Variants in DAB1 observed in about 807,000 individuals in gnomAD.
DAB1 encodes the protein DAB adaptor protein 1.
In DAB1, 15 loss-of-function variants were observed where a neutral mutation model predicts 64.6. The observed-to-expected ratio is 0.23, with a 90% CI of 0.16 to 0.36. The LOEUF is 0.36. DAB1 is among the 10% of genes least tolerant of loss of function. The pLI, the probability that DAB1 is intolerant of heterozygous loss-of-function variation, is 1.00. For synonymous variants in DAB1, 235 were observed against 251.9 expected, an observed-to-expected ratio of 0.93 and a Z score of 0.64; for missense variants, 596 against 706.7, an observed-to-expected ratio of 0.84 and a Z score of 1.78.
intron 3 of DAB1, among the ~76,000 whole-genome samples, chr1:58,453,811 A>C (rs1645164039): frequency 6.6e-6 from 1 of 152,052 alleles, no homozygotes. Flanking sequence ...AGGACTTCAC[A>C]AAGATCTCAC....
chr1:57,824,326 G>T (rs1652251302), downstream of DAB1, among the ~76,000 whole-genome samples: 1 of 152,186 alleles, frequency 6.6e-6, no homozygotes, highest in Non-Finnish European at 1.5e-5. Context: ...TGGTCACACT[G>T]TAGGGTAACA....
intron 3 of DAB1, among the ~76,000 whole-genome samples, chr1:58,345,489 C>T (rs1643986139): frequency 6.6e-6 from 1 of 152,196 alleles, no homozygotes; most frequent in Non-Finnish European, 1.5e-5. Flanking sequence ...GGGATGCCTC[C>T]ATTCCCTGGT....
intron 3 of DAB1, among the ~76,000 whole-genome samples, chr1:58,375,241 G>A (rs1307179758): frequency 4.8e-5 from 7 of 146,220 alleles, no homozygotes; most frequent in Non-Finnish European, 3.0e-5. Context: ...GTGAGAGAGG[G>A]CATCCCTGTC....
intron 9 of DAB1, among the ~76,000 whole-genome samples, chr1:57,045,575 G>A (rs138152392): frequency 7.9e-5 from 12 of 152,284 alleles, no homozygotes; most frequent in African/African-American, 2.6e-4. Context: ...GCACATGTCT[G>A]TAATCCCAGC....
At chr1:57,852,829 C>A (rs892925507) in intron 1 of DAB1, among the ~76,000 whole-genome samples, 4 of 152,054 alleles carry the variant, frequency 2.6e-5, no homozygotes, top group African/African-American at 9.7e-5. Flanking sequence ...CTCCCTCCTG[C>A]AGAATGGAAA....
rs1277572448 is a variant in DAB1 at position 58,300,634 on chromosome 1, G to C, written n.309+42718C>G. On this transcript the variant is annotated intron_variant and non_coding_transcript_variant, in intron 4 of 20. Transcript: ENST00000485760. ...AAAGAGAGAGAGAGAGAGAGAGAGA[G>C]AGAGAGAGAGAGAGGAAGGAAGGAA... 2.4e-3 allele frequency among the ~76,000 whole-genome samples: 154 copies of C among 64,408 alleles called. 3 individuals carry two copies. The highest frequency in any genetic ancestry group is 7.4e-3 in the African/African-American group (142 of 19,228). 42.3% of individuals were successfully genotyped at this position (64,408 alleles called of 152,430 possible). A position where few individuals can be genotyped will look rare whatever the true frequency, so the allele number is the denominator to read the frequency against.
intron 4 of DAB1, among the ~76,000 whole-genome samples, chr1:58,319,453 A>G (rs1662634276): frequency 1.3e-5 from 2 of 152,214 alleles, no homozygotes; most frequent in African/African-American, 4.8e-5. Context: ...AATAGACAGA[A>G]AAGTGACAGG....
intron 1 of DAB1, among the ~76,000 whole-genome samples, chr1:57,380,121 C>T (rs924283007): frequency 2.0e-4 from 30 of 152,072 alleles, no homozygotes; most frequent in African/African-American, 5.6e-4. Context: ...TGGTGTCAGG[C>T]GCATTCATTA....
At chr1:57,462,539 T>C (rs1686819110) in intron 7 of DAB1, among the ~76,000 whole-genome samples, 1 of 152,198 alleles carries the variant, frequency 6.6e-6, no homozygotes, top group African/African-American at 2.4e-5. Flanking sequence ...CTTCAAACAT[T>C]GACCTAAGAA....
chr1:58,530,109 C>T (rs1341856661), intron 1 of DAB1, among the ~76,000 whole-genome samples: 1 of 152,174 alleles, frequency 6.6e-6, no homozygotes, highest in Non-Finnish European at 1.5e-5. Context: ...TCTCAATCTC[C>T]TGACTTCGTG....
At chr1:57,705,624 C>T (rs996986092) in intron 6 of DAB1, among the ~76,000 whole-genome samples, 3 of 152,004 alleles carry the variant, frequency 2.0e-5, no homozygotes, top group Non-Finnish European at 2.9e-5. Flanking sequence ...CTCTCCCTAC[C>T]CCTAAGCAAA....
Position 57,924,243 on chromosome 1 carries a change from G to T in DAB1, n.388-40081C>A, listed in dbSNP as rs559699826. On this transcript the variant is annotated intron_variant and non_coding_transcript_variant, in intron 5 of 20. Transcript: ENST00000485760. ...CATGCACCTCAAGGAGCTGACTATC[G>T]GATGGAAGAGACAAACAACTTGAAA... 3.3e-5 allele frequency among the ~76,000 whole-genome samples: 5 copies of T among 152,242 alleles called. No individual in the cohort carries two copies. The South Asian group carries it at 1.0e-3, about 32-fold the overall frequency.
chr1:58,152,174 C>T (rs57534305), intron 4 of DAB1, among the ~76,000 whole-genome samples: 1 of 152,078 alleles, frequency 6.6e-6, no homozygotes, highest in South Asian at 2.1e-4. Flanking sequence ...GAAGAGGATA[C>T]ACACGGAAAG....
intron 1 of DAB1, chr1:58,546,701 A>C (rs1392644695): frequency 2.0e-5 from 3 of 151,960 alleles, no homozygotes; most frequent in Admixed American, 2.0e-4. Context: ...GTGAGGACTG[A>C]CTCAAGCAGA....
intron 2 of DAB1, among the ~76,000 whole-genome samples, chr1:57,145,863 C>G (rs1363789396): frequency 3.9e-5 from 6 of 152,208 alleles, no homozygotes; most frequent in African/African-American, 1.4e-4. Context: ...TCAATAATAG[C>G]TTGGCCAGGG....
At chr1:57,240,994 A>G (rs981398465) in intron 2 of DAB1, among the ~76,000 whole-genome samples, 1 of 152,206 alleles carries the variant, frequency 6.6e-6, no homozygotes, top group African/African-American at 2.4e-5. Flanking sequence ...ACTAACAGAC[A>G]ATAGTTACAT....
At chr1:57,361,080 A>G (rs1166328732) in intron 1 of DAB1, among the ~76,000 whole-genome samples, 1 of 152,126 alleles carries the variant, frequency 6.6e-6, no homozygotes, top group Non-Finnish European at 1.5e-5. Flanking sequence ...AGGACACCAC[A>G]GAACACTGAG....
intron 1 of DAB1, among the ~76,000 whole-genome samples, chr1:57,409,434 T>C (rs1570469902): frequency 6.6e-6 from 1 of 152,186 alleles, no homozygotes; most frequent in Non-Finnish European, 1.5e-5. Context: ...ATGTTTTGGG[T>C]GTGTTCAGGG....
intron 6 of DAB1, among the ~76,000 whole-genome samples, chr1:57,686,574 C>T (rs1316133421): frequency 2.1e-4 from 32 of 152,062 alleles, no homozygotes; most frequent in Non-Finnish European, 2.9e-5. Context: ...CAGTCTGATG[C>T]CAAAATCTGT....
Sources: gnomAD v4.1 joint callset for allele counts (sites outside exome capture counted in the v4.1 genomes callset) on GRCh38, gnomAD v4.1.1 for gene constraint, MANE v1.5 for transcripts, NCBI Gene and HGNC (gene_info 2026-07-23, HGNC 2026-07-21) for gene names.